The following FAM228B variants were observed in gnomAD, a reference collection of about 807,000 sequenced individuals.
FAM228B encodes family with sequence similarity 228 member B, also known as protein FAM228B.
A neutral mutation model predicts 42.6 loss-of-function variants in FAM228B; 38 were observed. That is an observed-to-expected ratio of 0.89 (90% confidence interval 0.69 to 1.17). The LOEUF (loss-of-function observed/expected upper bound fraction) is 1.17. Ranked by LOEUF, FAM228B falls within the 50% of genes most tolerant of loss-of-function variation. The pLI, the probability that FAM228B is intolerant of heterozygous loss-of-function variation, is 0.00. For missense variants in FAM228B, 344 were observed against 367.3 expected (o/e 0.94, Z 0.52); for synonymous variants, 109 against 122.3 (o/e 0.89, Z 0.72).
chr2:24,161,719 A>T, intron 8 of FAM228B, 106 bp downstream of exon 8: 1 of 722,266 alleles, frequency 1.4e-6, no homozygotes, highest in Non-Finnish European at 2.4e-6. Flanking sequence ...TGAGGCACAC[A>T]CAAAGCTCCA....
intron 7 of FAM228B, among the ~76,000 whole-genome samples, chr2:24,153,428 G>T (rs1667066232): frequency 6.6e-6 from 1 of 152,164 alleles, no homozygotes; most frequent in Non-Finnish European, 1.5e-5. Context: ...CCAGGGTTGG[G>T]TCCTTCCCTT....
At chr2:24,090,231 G>A (rs1665360302) in intron 2 of FAM228B, among the ~76,000 whole-genome samples, 1 of 152,090 alleles carries the variant, frequency 6.6e-6, no homozygotes, top group Non-Finnish European at 1.5e-5. Context: ...TTGCGCCACT[G>A]CACTCCAGCC....
intron 2 of FAM228B, among the ~76,000 whole-genome samples, chr2:24,081,653 C>A (rs1393499521): frequency 6.6e-6 from 1 of 151,764 alleles, no homozygotes; most frequent in Non-Finnish European, 1.5e-5. Context: ...AGTCATCCTT[C>A]ACTACTGAGT....
At chr2:24,126,642 G>A (rs1209294607) in intron 2 of FAM228B, among the ~76,000 whole-genome samples, 1 of 142,302 alleles carries the variant, frequency 7.0e-6, no homozygotes, top group Non-Finnish European at 1.5e-5. Flanking sequence ...ACAGAGTCTT[G>A]CTCTGTCGCC....
intron 7 of FAM228B, among the ~76,000 whole-genome samples, chr2:24,149,442 A>G (rs1335034981): frequency 6.6e-6 from 1 of 151,992 alleles, no homozygotes. Context: ...ATGATAACTC[A>G]TTGTAGTTTT....
chr2:24,155,463 C>T (rs1667112463), intron 7 of FAM228B, among the ~76,000 whole-genome samples: 1 of 142,858 alleles, frequency 7.0e-6, no homozygotes, highest in Non-Finnish European at 1.5e-5. Context: ...TTAGTCTTTA[C>T]ACACTAAGCA....
chr2:24,159,224 G>C (rs769686371), intron 7 of FAM228B, among the ~76,000 whole-genome samples: 6 of 152,168 alleles, frequency 3.9e-5, no homozygotes, highest in African/African-American at 7.2e-5. Context: ...CAGGGATTAG[G>C]ATTTGAAGAT....
intron 4 of FAM228B, among the ~76,000 whole-genome samples, chr2:24,138,987 A>G (rs916975596): frequency 2.0e-5 from 3 of 151,848 alleles, no homozygotes; most frequent in African/African-American, 4.8e-5. Context: ...AATAATTTGG[A>G]CTCTAGTTTC....
At position 24,164,326 on chromosome 2, in the gene FAM228B, A is replaced by T. The variant is rs1667348191; in HGVS notation, c.923A>T (p.Asp308Val). The change falls in exon 9 of 11, where the codon GAC (aspartate) becomes GTC (valine). Residue 308 changes from aspartate to valine, a missense_variant. Coordinates refer to ENST00000615575, the MANE Select transcript of FAM228B (RefSeq NM_001145710.2). ...SLSLSQEREEDQDGSPSPRLG... is the reference protein window; with the variant it reads ...SLSLSQEREEVQDGSPSPRLG... ...AGCCTCAGCCAGGAACGGGAGGAAG[A>T]CCAGGATGGGTAAGAGCTGGGGCTG... 6.4e-7 allele frequency: 1 copy of T among 1,550,510 alleles called. No homozygotes were observed. The highest frequency in any genetic ancestry group is 8.7e-7 in the Non-Finnish European group (1 of 1,146,428).
At position 24,086,055 on chromosome 2, in the gene FAM228B, G is replaced by T. The variant is rs1248853666; in HGVS notation, c.-210+5100G>T. On this transcript the variant is annotated intron_variant, in intron 2 of 10. Coordinates refer to the FAM228B transcript ENST00000613899. The stretch of plus-strand genomic sequence containing the variant: ...TCGAGACCATCCTGGCTAACACGGT[G>T]AAACCCCGTCTCTACTAAAAATACA... Among the ~76,000 whole-genome samples the T allele has an allele frequency of 2.0e-5, 3 of 152,030 alleles. 1 individual carries two copies. In the East Asian group the frequency reaches 5.8e-4, roughly 29 times the overall value.
At position 24,161,554 on chromosome 2, in the gene FAM228B, T is replaced by C. The variant is rs4665667; in HGVS notation, c.735T>C (p.Pro245=). 0.91 allele frequency: 1,411,019 copies of C among 1,547,488 alleles called. 648,287 individuals are homozygous for C. The highest frequency in any genetic ancestry group is 0.93 in the Non-Finnish European group (1,067,186 of 1,143,344). The change falls in exon 8 of 11, where the codon CCT becomes CCC. Residue 245 remains proline, a synonymous_variant. Transcript: ENST00000615575. ...ATGACTGTAGTTTTGATTTGAAACC[T>C]TTGGCAAGAGCTCCTTATCTTTTGG... ...NFNDCSFDLK[P]LARAPYLLES...
Position 24,153,616 on chromosome 2 carries a change from G to A in FAM228B, c.686+6530G>A, listed in dbSNP as rs558774824. The stretch of plus-strand genomic sequence containing the variant: ...TTCACTCTCCTCCCTTTAAGCAGAA[G>A]GAAGGTGTCACCTTTGGAGTTGCTG... On this transcript the variant is annotated intron_variant, in intron 7 of 10. Transcript: ENST00000615575. 7.9e-5 allele frequency among the ~76,000 whole-genome samples: 12 copies of A among 152,322 alleles called. No individual in the cohort carries two copies. The East Asian group carries it at 2.3e-3, about 29-fold the overall frequency.
At position 24,080,506 on chromosome 2, in the gene FAM228B, G is replaced by A. The variant is rs1292960438; in HGVS notation, c.-289-370G>A. ...GCTCCAAACTGGTCTCTGCCTCCAA[G>A]CCTCCTGTTAACTAAGTGTGGAATG... On this transcript the variant is annotated intron_variant, in intron 1 of 10. Coordinates refer to the FAM228B transcript ENST00000613899. The surrounding 1 kb of genome is among the most constrained non-coding windows in gnomAD (Gnocchi z 4.7). 1.3e-5 allele frequency among the ~76,000 whole-genome samples: 2 copies of A among 152,196 alleles called. No homozygotes were observed. Among genetic ancestry groups the A allele is most frequent in the African/African-American group, 2.4e-5 (1 of 41,446 alleles).
chr2:24,144,958 C>T (rs35331966), intron 5 of FAM228B, among the ~76,000 whole-genome samples: 88,379 of 151,992 alleles, frequency 0.58, 26,391 homozygotes, highest in East Asian at 0.75. Flanking sequence ...ACCTCCTGCA[C>T]GCGCCAACTG....
At chr2:24,142,832 C>T (rs1666788623) in intron 5 of FAM228B, 1 of 152,170 alleles carries the variant, frequency 6.6e-6, no homozygotes, top group Non-Finnish European at 1.5e-5. Flanking sequence ...CTCAAAAGAC[C>T]TTTCTGATGA....
At chr2:24,083,335 G>A (rs1665100903) in intron 2 of FAM228B, among the ~76,000 whole-genome samples, 1 of 152,116 alleles carries the variant, frequency 6.6e-6, no homozygotes, top group Non-Finnish European at 1.5e-5. Flanking sequence ...ATAAACTGGA[G>A]GTCACATGAT....
At position 24,147,051 on chromosome 2, in the gene FAM228B, A is replaced by G; in HGVS notation, c.651A>G (p.Thr217=). The G allele has an allele frequency of 3.9e-6, 6 of 1,551,264 alleles. No individual in the cohort carries two copies. Among genetic ancestry groups the G allele is most frequent in the East Asian group, 2.4e-5 (1 of 40,868 alleles). The change falls in exon 7 of 11, where the codon ACA becomes ACG. Residue 217 remains threonine (T), a synonymous_variant. Coordinates refer to ENST00000615575, the MANE Select transcript of FAM228B (RefSeq NM_001145710.2). ...CAAACGAGTGGCTGAAACTGCCTACAAGATACATAGAAAGTGAATTTTGTA... is the reference window on the plus strand; with the variant it reads ...CAAACGAGTGGCTGAAACTGCCTACGAGATACATAGAAAGTGAATTTTGTA... ...ITPNEWLKLP[T]RYIESEFCRR... is the part of the protein sequence containing the mutation.
At position 24,137,937 on chromosome 2, in the gene FAM228B, C is replaced by G; in HGVS notation, c.197C>G (p.Ala66Gly). 6.5e-7 allele frequency: 1 copy of G among 1,537,984 alleles called. No homozygotes were observed. Among genetic ancestry groups the G allele is most frequent in the Non-Finnish European group, 8.7e-7 (1 of 1,143,316 alleles). ...KELDKYLQHH[A>G]FLNARRKEML... Reference sequence around the variant, plus strand: ...CTAGATAAGTATTTACAACATCATGCCTTCTTAAATGCAAGAAGAAAGGAG... The same window carrying G: ...CTAGATAAGTATTTACAACATCATGGCTTCTTAAATGCAAGAAGAAAGGAG... The change falls in exon 4 of 11, where the codon GCC becomes GGC. Residue 66 changes from alanine (A) to glycine (G), a missense_variant. Ala to Gly is a moderately conservative substitution (Grantham distance 60, BLOSUM62 0). Transcript: ENST00000615575.
intron 3 of FAM228B, among the ~76,000 whole-genome samples, chr2:24,098,696 C>T (rs1453535164): frequency 6.6e-6 from 1 of 152,154 alleles, no homozygotes; most frequent in Admixed American, 6.6e-5. Flanking sequence ...CAAATTCTAC[C>T]AGAGGTACAA....
Sources: gnomAD v4.1 joint callset for allele counts (sites outside exome capture counted in the v4.1 genomes callset) on GRCh38, gnomAD v4.1.1 for gene constraint, Gnocchi (gnomAD v3.1) non-coding constraint, MANE v1.5 for transcripts, NCBI Gene and HGNC (gene_info 2026-07-23, HGNC 2026-07-21) for gene names.